DLG1: variants seen among roughly 807,000 people sequenced by gnomAD.
DLG1 encodes disks large homolog 1.
A neutral mutation model predicts 123.4 loss-of-function variants in DLG1; 42 were observed. That is an observed-to-expected ratio of 0.34 (90% CI 0.27 to 0.44). DLG1 has a LOEUF of 0.44. Among genes scored for constraint, DLG1 ranks in the 20% least tolerant of loss-of-function variants. The pLI, the probability that DLG1 is intolerant of heterozygous loss-of-function variation, is 1.00. For synonymous variants in DLG1, 317 were observed against 356.2 expected, an observed-to-expected ratio of 0.89 and a Z score of 1.24; for missense variants, 942 against 1,082.6, an observed-to-expected ratio of 0.87 and a Z score of 1.82.
chr3:197,272,156 C>A (rs1764170490), intron 4 of DLG1, among the ~76,000 whole-genome samples: 1 of 152,150 alleles, frequency 6.6e-6, no homozygotes, highest in Non-Finnish European at 1.5e-5. Context: ...AGGTAAGATG[C>A]CAAATTGATT....
chr3:197,218,081 AAG>A (rs1239913143), intron 4 of DLG1, among the ~76,000 whole-genome samples: 1 of 152,208 alleles, frequency 6.6e-6, no homozygotes, highest in Admixed American at 6.5e-5. Context: ...TAAAAATAAA[AAG>A]AACAGCAATG....
At position 197,136,604 on chromosome 3, in the gene DLG1, T is replaced by C. The variant is rs754136465; in HGVS notation, c.958A>G (p.Ile320Val). ...TTATGTGCTGCACCTCCTTCAATTA[T>C]TTTGGTTACATAGATGCTATTATCC... ...PGDNSIYVTK[I>V]IEGGAAHKDG... The change falls in exon 10 of 25, where the codon ATA becomes GTA. Residue 320 changes from isoleucine to valine, a missense_variant. Physicochemically the swap from Ile to Val is conservative, Grantham distance 29. Transcript: ENST00000667157. 3 of 1,613,482 alleles carry C rather than the reference T, an allele frequency of 1.9e-6. No individual in the cohort carries two copies. Among genetic ancestry groups the C allele is most frequent in the East Asian group, 4.5e-5 (2 of 44,836 alleles).
In DLG1 at chr3:197,209,761, T is replaced by C. The variant is rs1388453811; in HGVS notation, c.319-15172A>G. ...AAACAACACACTTCTAAAAATCTCATGGTTCAAAGAACTCAAGAAGGAAAT... is the reference window on the plus strand; with the variant it reads ...AAACAACACACTTCTAAAAATCTCACGGTTCAAAGAACTCAAGAAGGAAAT... On this transcript the variant is annotated intron_variant, in intron 4 of 24. Transcript: ENST00000667157. Among the ~76,000 whole-genome samples the C allele has an allele frequency of 2.7e-5, 4 of 146,632 alleles. 1 individual carries two copies. The highest frequency in any genetic ancestry group is 4.6e-5 in the Non-Finnish European group (3 of 65,288).
intron 3 of DLG1, among the ~76,000 whole-genome samples, chr3:197,287,228 A>G (rs1356621783): frequency 6.6e-6 from 1 of 152,110 alleles, no homozygotes; most frequent in Non-Finnish European, 1.5e-5. Flanking sequence ...TTTCCACTCA[A>G]TTCTTCTGTA....
chr3:197,202,086 TCAC>T (rs1291169308), intron 4 of DLG1, among the ~76,000 whole-genome samples: 1 of 152,122 alleles, frequency 6.6e-6, no homozygotes, highest in African/African-American at 2.4e-5. Flanking sequence ...AGCCCTCATT[TCAC>T]CACAATACAG....
At chr3:197,109,297 T>C (rs574022454) in intron 13 of DLG1, among the ~76,000 whole-genome samples, 4 of 152,338 alleles carry the variant, frequency 2.6e-5, no homozygotes, top group South Asian at 4.1e-4. Flanking sequence ...CTGAGTAAGT[T>C]TGAGGCTGCA....
chr3:197,234,545 C>A (rs1744945686), intron 4 of DLG1, among the ~76,000 whole-genome samples: 1 of 152,300 alleles, frequency 6.6e-6, no homozygotes, highest in African/African-American at 2.4e-5. Flanking sequence ...ATAATATGGA[C>A]AGACAAGCAT....
intron 10 of DLG1, among the ~76,000 whole-genome samples, chr3:197,134,392 C>T (rs1331364385): frequency 6.7e-6 from 1 of 150,006 alleles, no homozygotes; most frequent in Non-Finnish European, 1.5e-5. Flanking sequence ...AATCAATAAT[C>T]CCATGACAGT....
At chr3:197,253,393 A>G (rs1184338844) in intron 4 of DLG1, among the ~76,000 whole-genome samples, 1 of 152,220 alleles carries the variant, frequency 6.6e-6, no homozygotes, top group Non-Finnish European at 1.5e-5. Flanking sequence ...AAATGAGGCA[A>G]CACCAAATGC....
At chr3:197,127,494 ATAAAGT>A (rs1327030149) in intron 11 of DLG1, among the ~76,000 whole-genome samples, 1 of 69,872 alleles carries the variant, frequency 1.4e-5, no homozygotes, top group Non-Finnish European at 3.0e-5. Flanking sequence ...ATATATATAT[ATAAAGT>A]AAGAAACCTA....
intron 4 of DLG1, among the ~76,000 whole-genome samples, chr3:197,245,826 G>A (rs183907022): frequency 2.6e-4 from 39 of 148,374 alleles, no homozygotes; most frequent in African/African-American, 8.9e-4. Context: ...TCTTTGGTCT[G>A]CGAGGTTATT....
intron 5 of DLG1, among the ~76,000 whole-genome samples, chr3:197,171,717 T>C (rs1248049392): frequency 6.6e-6 from 1 of 152,134 alleles, no homozygotes; most frequent in Admixed American, 6.5e-5. Context: ...AATCTTGTCC[T>C]AGTAAAGGAT....
At position 197,274,919 on chromosome 3, in the gene DLG1, C is replaced by T. The variant is rs529920796; in HGVS notation, c.318+7760G>A. 2.6e-4 allele frequency among the ~76,000 whole-genome samples: 39 copies of T among 152,296 alleles called. No individual in the cohort carries two copies. The South Asian group carries it at 7.9e-3, about 31-fold the overall frequency. ...AACCATAATAAGCTGGGCACGGTGG[C>T]TCACGCCTGTAATCCCAGCACATGG... On this transcript the variant is annotated intron_variant, in intron 4 of 24. Coordinates refer to ENST00000667157, the MANE Select transcript of DLG1 (RefSeq NM_001366207.1).
chr3:197,104,412 T>G (rs1765196849), intron 14 of DLG1, among the ~76,000 whole-genome samples: 1 of 152,198 alleles, frequency 6.6e-6, no homozygotes, highest in African/African-American at 2.4e-5. Flanking sequence ...CAGGGTGCAG[T>G]GGCTCACACC....
intron 4 of DLG1, among the ~76,000 whole-genome samples, chr3:197,219,313 C>T (rs901781073): frequency 1.5e-4 from 23 of 152,278 alleles, no homozygotes; most frequent in African/African-American, 5.5e-4. Flanking sequence ...TCTGAAAATT[C>T]AAGTAATTTA....
intron 23 of DLG1, among the ~76,000 whole-genome samples, chr3:197,058,724 A>G (rs888057741): frequency 1.3e-5 from 2 of 152,132 alleles, no homozygotes; most frequent in African/African-American, 4.8e-5. Context: ...AAAGTTTTAA[A>G]TTTGTGTTAT....
chr3:197,049,194 C>G lies in DLG1; in HGVS notation c.2575+2383G>C, dbSNP rs375682459. 5.3e-5 allele frequency among the ~76,000 whole-genome samples: 8 copies of G among 151,860 alleles called. No individual in the cohort carries two copies. In the East Asian group the frequency reaches 1.4e-3, roughly 26 times the overall value. Reference sequence around the variant, plus strand: ...TAGCTGGGTGTGGTGGCATGTGCCTCTAGTCCCTGCTACTTGGGAGGCTAA... The same window carrying G: ...TAGCTGGGTGTGGTGGCATGTGCCTGTAGTCCCTGCTACTTGGGAGGCTAA... On this transcript the variant is annotated intron_variant, in intron 24 of 24. Transcript: ENST00000667157.
At chr3:197,159,462 G>T (rs1437868194) in intron 5 of DLG1, among the ~76,000 whole-genome samples, 3 of 152,156 alleles carry the variant, frequency 2.0e-5, no homozygotes, top group African/African-American at 7.2e-5. Flanking sequence ...AACTCAGAGA[G>T]GGTAACTAGC....
In DLG1 at chr3:197,210,317, C is replaced by G. The variant is rs1255403273; in HGVS notation, c.319-15728G>C. ...GAAGGAAATAATAAAAGGCAGAAAT[C>G]AATGAAACAGAAAACAAAGAATTGA... is the stretch of plus-strand genomic sequence containing the variant. On this transcript the variant is annotated intron_variant, in intron 4 of 24. Coordinates refer to ENST00000667157, the MANE Select transcript of DLG1 (RefSeq NM_001366207.1). Among the ~76,000 whole-genome samples the G allele has an allele frequency of 4.3e-5, 6 of 140,786 alleles. 1 individual carries two copies. The highest frequency in any genetic ancestry group is 1.5e-4 in the African/African-American group (6 of 40,150). The allele number at this position is 140,786 out of a possible 152,430, so 92.4% of individuals were successfully genotyped here. A position where few individuals can be genotyped will look rare whatever the true frequency, so the allele number is the denominator to read the frequency against.
Sources: allele counts gnomAD v4.1 joint callset (sites outside exome capture counted in the v4.1 genomes callset), GRCh38; gene constraint gnomAD v4.1.1; transcripts MANE v1.5; gene names NCBI Gene and HGNC (gene_info 2026-07-23, HGNC 2026-07-21).